The following ZNF385D variants were observed in gnomAD, a reference collection of about 807,000 sequenced individuals.
ZNF385D encodes zinc finger protein 659.
In ZNF385D, 15 loss-of-function variants were observed where a neutral mutation model predicts 35.8. The observed-to-expected ratio is 0.42, with a 90% CI of 0.28 to 0.64. ZNF385D has a LOEUF of 0.64. Among genes scored for constraint, ZNF385D ranks in the 30% least tolerant of loss-of-function variants. The pLI is 0.23. For missense variants in ZNF385D, 474 were observed against 494.6 expected, an observed-to-expected ratio of 0.96 and a Z score of 0.39; for synonymous variants, 212 against 186.8, an observed-to-expected ratio of 1.13 and a Z score of -1.10.
chr3:21,754,942 T>C (rs1193923125), upstream of ZNF385D, among the ~76,000 whole-genome samples: 1 of 152,204 alleles, frequency 6.6e-6, no homozygotes, highest in African/African-American at 2.4e-5. Context: ...CTGAAGTCAG[T>C]TCTTTGAGGT....
intron 1 of ZNF385D, among the ~76,000 whole-genome samples, chr3:21,748,447 A>G (rs967129599): frequency 1.3e-5 from 2 of 152,052 alleles, no homozygotes; most frequent in Non-Finnish European, 2.9e-5. Context: ...GGCAACACTG[A>G]CAAATCAGAT....
chr3:21,687,289 C>T (rs973797087), intron 1 of ZNF385D, among the ~76,000 whole-genome samples: 13 of 152,222 alleles, frequency 8.5e-5, no homozygotes, highest in African/African-American at 3.1e-4. Flanking sequence ...GTGCTCAAAC[C>T]CAAAATATAT....
intron 3 of ZNF385D, among the ~76,000 whole-genome samples, chr3:21,856,903 C>T (rs1422258494): frequency 1.3e-5 from 2 of 152,034 alleles, no homozygotes; most frequent in East Asian, 1.9e-4. Flanking sequence ...TTTTTAAAAA[C>T]GTCCAAGGCA....
chr3:21,468,530 G>T lies in ZNF385D; in HGVS notation c.440-31327C>A, dbSNP rs1307518371. Among the ~76,000 whole-genome samples the T allele has an allele frequency of 3.3e-5, 5 of 151,396 alleles. No homozygotes were observed. In the East Asian group the frequency reaches 9.7e-4, roughly 29 times the overall value. On this transcript the variant is annotated intron_variant, in intron 4 of 7. Transcript: ENST00000281523. ...GGTAAATTGTGGTATATTCATAAAAGGGAATACTACTCAGCAATAAAAAGA... is the reference window on the plus strand; with the variant it reads ...GGTAAATTGTGGTATATTCATAAAATGGAATACTACTCAGCAATAAAAAGA...
intron 3 of ZNF385D, among the ~76,000 whole-genome samples, chr3:21,787,171 T>A (rs1460487702): frequency 6.6e-6 from 1 of 152,056 alleles, no homozygotes; most frequent in Admixed American, 6.5e-5. Flanking sequence ...CAAGTAACTA[T>A]CTGGGGGGTT....
At chr3:22,164,160 C>T (rs1204273327) in intron 3 of ZNF385D, among the ~76,000 whole-genome samples, 1 of 149,584 alleles carries the variant, frequency 6.7e-6, no homozygotes, top group Non-Finnish European at 1.5e-5. Flanking sequence ...CTAGGCCCAC[C>T]TATAGTTATA....
chr3:21,720,401 A>C (rs1049128526), intron 1 of ZNF385D, among the ~76,000 whole-genome samples: 1 of 152,152 alleles, frequency 6.6e-6, no homozygotes, highest in Non-Finnish European at 1.5e-5. Context: ...CAAAAATTTA[A>C]ATGTTATCCT....
chr3:21,664,752 T>C lies in ZNF385D; in HGVS notation c.165+134A>G, dbSNP rs190189203. 16 of 1,244,602 alleles carry C rather than the reference T, an allele frequency of 1.3e-5. No individual in the cohort carries two copies. The East Asian group carries it at 4.0e-4, about 31-fold the overall frequency. 77.1% of individuals were successfully genotyped at this position (1,244,602 alleles called of 1,614,324 possible). ...TGCCTAACCAAGCAAACAACTAACT[T>C]CATTATGGCTTCTAGACAAACCATG... is the stretch of plus-strand genomic sequence containing the variant. On this transcript the variant is annotated intron_variant, in intron 2 of 7. Coordinates refer to ENST00000281523, the MANE Select transcript of ZNF385D (RefSeq NM_024697.3).
At chr3:21,677,105 A>G (rs970553996) in intron 1 of ZNF385D, among the ~76,000 whole-genome samples, 2 of 152,132 alleles carry the variant, frequency 1.3e-5, no homozygotes, top group Non-Finnish European at 1.5e-5. Flanking sequence ...AGTGCAGTTA[A>G]ACACAAGGAT....
At chr3:21,605,141 G>T (rs1317629515) in intron 2 of ZNF385D, among the ~76,000 whole-genome samples, 1 of 152,138 alleles carries the variant, frequency 6.6e-6, no homozygotes, top group Non-Finnish European at 1.5e-5. Context: ...GAGTATAAAG[G>T]CTGCAAGAGG....
At chr3:22,045,190 T>C (rs1274311485) in intron 3 of ZNF385D, among the ~76,000 whole-genome samples, 2 of 152,104 alleles carry the variant, frequency 1.3e-5, no homozygotes, top group Non-Finnish European at 2.9e-5. Context: ...CAAACCAATA[T>C]CATGGGGCTT....
At chr3:21,969,354 G>C (rs911438016) in intron 3 of ZNF385D, among the ~76,000 whole-genome samples, 1 of 152,094 alleles carries the variant, frequency 6.6e-6, no homozygotes, top group African/African-American at 2.4e-5. Context: ...TCATGGTAGG[G>C]AGTTCTCACA....
At chr3:21,704,813 A>T (rs1223787161) in intron 1 of ZNF385D, among the ~76,000 whole-genome samples, 1 of 152,088 alleles carries the variant, frequency 6.6e-6, no homozygotes, top group Non-Finnish European at 1.5e-5. Context: ...TATCTATTAC[A>T]TGAAGGAATA....
chr3:21,750,389 G>A (rs566655078), intron 1 of ZNF385D, among the ~76,000 whole-genome samples: 76 of 152,322 alleles, frequency 5.0e-4, no homozygotes, highest in African/African-American at 1.6e-3. Context: ...AGAGCACTGA[G>A]ATGATATAGA....
chr3:22,182,678 T>C (rs1695357770), intron 2 of ZNF385D, among the ~76,000 whole-genome samples: 1 of 152,116 alleles, frequency 6.6e-6, no homozygotes, highest in South Asian at 2.1e-4. Context: ...ATTTAACATA[T>C]TTTTCTATTA....
intron 3 of ZNF385D, among the ~76,000 whole-genome samples, chr3:21,992,849 A>G (rs1346431696): frequency 6.6e-6 from 1 of 152,164 alleles, no homozygotes; most frequent in Non-Finnish European, 1.5e-5. Flanking sequence ...AAAAATCTTC[A>G]TGTGTAAATC....
chr3:21,630,005 T>C (rs2065236414), intron 2 of ZNF385D, among the ~76,000 whole-genome samples: 1 of 96,974 alleles, frequency 1.0e-5, no homozygotes, highest in African/African-American at 3.3e-5. Context: ...AGTGTCCCTC[T>C]GTATATTTTT....
At chr3:21,915,841 G>C (rs748773260) in intron 3 of ZNF385D, among the ~76,000 whole-genome samples, 19 of 152,224 alleles carry the variant, frequency 1.2e-4, no homozygotes, top group Non-Finnish European at 1.2e-4. Context: ...GAAAATTTTT[G>C]TCCCTAGTGA....
intron 2 of ZNF385D, among the ~76,000 whole-genome samples, chr3:21,660,129 C>T (rs988423343): frequency 3.3e-5 from 5 of 152,090 alleles, no homozygotes; most frequent in Admixed American, 3.3e-4. Flanking sequence ...CTCTTTATCC[C>T]CCTCTCTTCC....
Sources: allele counts gnomAD v4.1 joint callset (sites outside exome capture counted in the v4.1 genomes callset), GRCh38; gene constraint gnomAD v4.1.1; transcripts MANE v1.5; gene names NCBI Gene and HGNC (gene_info 2026-07-23, HGNC 2026-07-21).